Variants in PPM1B observed in about 807,000 individuals in gnomAD.
PPM1B encodes protein phosphatase, Mg2+/Mn2+ dependent 1B.
PPM1B carries 22 observed loss-of-function variants against 43.0 expected under a neutral mutation model. The observed-to-expected ratio is 0.51, with a 90% CI of 0.37 to 0.73. The LOEUF (loss-of-function observed/expected upper bound fraction) is 0.73, where lower values mean the gene tolerates loss of function less well. Ranked by LOEUF, PPM1B falls within the 30% of genes least tolerant of loss-of-function variation. The pLI is 0.00. For missense variants in PPM1B, 632 were observed against 584.2 expected (o/e 1.08, Z -0.84); for synonymous variants, 217 against 197.9 (o/e 1.10, Z -0.81).
intron 1 of PPM1B, among the ~76,000 whole-genome samples, chr2:44,185,786 A>T (rs753259306): frequency 6.6e-6 from 1 of 152,212 alleles, no homozygotes; most frequent in Non-Finnish European, 1.5e-5. Flanking sequence ...GGTGTGGTCA[A>T]TGCCAATGTT....
intron 1 of PPM1B, among the ~76,000 whole-genome samples, chr2:44,196,932 G>A (rs998391612): frequency 2.6e-5 from 4 of 152,164 alleles, no homozygotes; most frequent in Admixed American, 6.5e-5. Context: ...CAGGTGGAGA[G>A]ATTTTCCATA....
intron 1 of PPM1B, among the ~76,000 whole-genome samples, chr2:44,175,462 C>T (rs1667536941): frequency 6.6e-6 from 1 of 152,180 alleles, no homozygotes; most frequent in Admixed American, 6.5e-5. Context: ...TGAGTGCCTT[C>T]TGTGTGCAAA....
At chr2:44,241,249 C>G (rs1160061546) in intron 5 of PPM1B, among the ~76,000 whole-genome samples, 1 of 142,528 alleles carries the variant, frequency 7.0e-6, no homozygotes, top group Non-Finnish European at 1.6e-5. Flanking sequence ...GTGATCCGCC[C>G]CCCTTGGCCT....
intron 1 of PPM1B, among the ~76,000 whole-genome samples, chr2:44,200,327 C>A (rs562929629): frequency 6.6e-6 from 1 of 152,246 alleles, no homozygotes; most frequent in East Asian, 1.9e-4. Context: ...TACTCTAAGT[C>A]TAATCTAAGT....
At chr2:44,178,695 C>G (rs886232629) in intron 1 of PPM1B, among the ~76,000 whole-genome samples, 1 of 151,878 alleles carries the variant, frequency 6.6e-6, no homozygotes, top group Non-Finnish European at 1.5e-5. Flanking sequence ...GGTCTGAACT[C>G]CTGACCTCAG....
intron 1 of PPM1B, among the ~76,000 whole-genome samples, chr2:44,190,097 T>C (rs1291866689): frequency 5.3e-5 from 8 of 152,208 alleles, no homozygotes; most frequent in African/African-American, 1.7e-4. Context: ...CATTATTTGA[T>C]ACTAGTAGAG....
chr2:44,196,161 G>A (rs1276657016), intron 1 of PPM1B, among the ~76,000 whole-genome samples: 1 of 152,140 alleles, frequency 6.6e-6, no homozygotes, highest in Non-Finnish European at 1.5e-5. Flanking sequence ...TTAACCTAAT[G>A]TCCTTTTTCT....
At chr2:44,236,686 T>C (rs1215693685), downstream of PPM1B, among the ~76,000 whole-genome samples, 1 of 152,168 alleles carries the variant, frequency 6.6e-6, no homozygotes, top group African/African-American at 2.4e-5. Context: ...GGTGCCCAAG[T>C]CTTTATCCAG....
At chr2:44,185,616 T>A (rs1668082613) in intron 1 of PPM1B, among the ~76,000 whole-genome samples, 1 of 152,214 alleles carries the variant, frequency 6.6e-6, no homozygotes, top group Non-Finnish European at 1.5e-5. Flanking sequence ...TATTCTTGTA[T>A]CTGGGGTCTC....
chr2:44,244,586 A>G (rs1401627648), downstream of PPM1B, among the ~76,000 whole-genome samples: 1 of 151,840 alleles, frequency 6.6e-6, no homozygotes, highest in East Asian at 1.9e-4. Flanking sequence ...CTTCTCCTAA[A>G]AGCACCATTT....
At chr2:44,241,600 T>C (rs1670745024) in intron 5 of PPM1B, among the ~76,000 whole-genome samples, 1 of 129,350 alleles carries the variant, frequency 7.7e-6, no homozygotes. Flanking sequence ...GGCGTGGTGG[T>C]GTGCACCTGT....
downstream of PPM1B, among the ~76,000 whole-genome samples, chr2:44,236,402 C>CAA (rs61414038): frequency 9.8e-3 from 464 of 47,436 alleles, 38 homozygotes; most frequent in African/African-American, 0.027. Flanking sequence ...GACTCCGTCT[C>CAA]AAAAAAAAAA....
At chr2:44,200,761 G>A (rs1425824038) in intron 1 of PPM1B, among the ~76,000 whole-genome samples, 1 of 152,108 alleles carries the variant, frequency 6.6e-6, no homozygotes, top group Non-Finnish European at 1.5e-5. Context: ...TCACTGTTTT[G>A]AATATTCTCA....
At chr2:44,238,105 G>T (rs1325031556), downstream of PPM1B, among the ~76,000 whole-genome samples, 3 of 151,912 alleles carry the variant, frequency 2.0e-5, no homozygotes, top group African/African-American at 7.2e-5. Flanking sequence ...GTTTCACCAT[G>T]TTGGCCAGGC....
At chr2:44,232,979 C>T (rs890261729), downstream of PPM1B, 10 of 980,254 alleles carry the variant, frequency 1.0e-5, no homozygotes, top group South Asian at 3.3e-4. Context: ...TAAACCCTTA[C>T]AAATTTTATG....
rs150381110 is a variant in PPM1B at position 44,179,997 on chromosome 2, G to A, written c.-15+10723G>A. 2.7e-3 allele frequency among the ~76,000 whole-genome samples: 297 copies of A among 111,378 alleles called. No homozygotes were observed. In the Middle Eastern group the frequency reaches 0.045, roughly 17 times the overall value. 73.1% of individuals were successfully genotyped at this position (111,378 alleles called of 152,430 possible). On this transcript the variant is annotated intron_variant, in intron 1 of 5. Transcript: ENST00000282412. The stretch of plus-strand genomic sequence containing the variant: ...GCACCACAGCCTGGGCAACAAGAGC[G>A]AAACTTCGTTCCAAAAAAAAAAAAA...
At chr2:44,216,809 C>G (rs1488290663) in intron 3 of PPM1B, among the ~76,000 whole-genome samples, 1 of 151,424 alleles carries the variant, frequency 6.6e-6, no homozygotes, top group East Asian at 2.0e-4. Context: ...CCTGTAATCC[C>G]AGCTACTTGG....
intron 2 of PPM1B, among the ~76,000 whole-genome samples, chr2:44,208,687 T>C (rs1402729401): frequency 6.6e-6 from 1 of 152,220 alleles, no homozygotes; most frequent in Non-Finnish European, 1.5e-5. Context: ...TGCTCCAGCC[T>C]GGGCAACAAG....
chr2:44,233,721 A>G (rs1009685961), downstream of PPM1B: 11 of 985,764 alleles, frequency 1.1e-5, 1 homozygote, highest in East Asian at 4.5e-4. Flanking sequence ...AGAGCCACAC[A>G]TTTAAATACA....
Sources: gnomAD v4.1 joint callset for allele counts (sites outside exome capture counted in the v4.1 genomes callset) on GRCh38, gnomAD v4.1.1 for gene constraint, MANE v1.5 for transcripts, NCBI Gene and HGNC (gene_info 2026-07-23, HGNC 2026-07-21) for gene names.